The following ATP13A2 variants were observed in gnomAD, a reference collection of about 807,000 sequenced individuals.
The protein encoded by ATP13A2 is polyamine-transporting ATPase 13A2.
Under a neutral mutation model 138.3 loss-of-function variants are expected in ATP13A2, and 83 were observed. That is an observed-to-expected ratio of 0.60 (90% CI 0.50 to 0.72). The LOEUF is 0.72. Ranked by LOEUF, ATP13A2 falls within the 30% of genes least tolerant of loss-of-function variation. ATP13A2 has a pLI of 0.00. For missense variants in ATP13A2, 1,402 were observed against 1,606.4 expected (o/e 0.87, Z 2.17); for synonymous variants, 663 against 699.0 (o/e 0.95, Z 0.81).
At chr1:16,989,615 G>A in intron 23 of ATP13A2, 76 bp downstream of exon 23, 2 of 1,468,690 alleles carry the variant, frequency 1.4e-6, no homozygotes, top group Non-Finnish European at 1.9e-6. Context: ...GGGCCCTGGG[G>A]AAGGACAGAT....
intron 15 of ATP13A2, among the ~76,000 whole-genome samples, chr1:16,994,195 CTCATT>C (rs1363008730): frequency 2.1e-5 from 3 of 140,188 alleles, no homozygotes; most frequent in South Asian, 2.3e-4. Flanking sequence ...CTCTCTCTCT[CTCATT>C]TATTTATTTA....
intron 11 of ATP13A2, among the ~76,000 whole-genome samples, chr1:16,998,253 G>A (rs1213554303): frequency 6.6e-6 from 1 of 152,060 alleles, no homozygotes; most frequent in Non-Finnish European, 1.5e-5. Context: ...CACCCAGGCT[G>A]GAGTGCAGTG....
At chr1:16,994,587 ACTC>A (rs2077050932) in intron 15 of ATP13A2, among the ~76,000 whole-genome samples, 1 of 151,658 alleles carries the variant, frequency 6.6e-6, no homozygotes, top group Non-Finnish European at 1.5e-5. Flanking sequence ...CCCATCCTAG[ACTC>A]TAACTGCCCA....
rs545326276 is a variant in ATP13A2 at position 16,992,566 on chromosome 1, G to A, written c.1765C>T (p.Pro589Ser). 6.2e-7 allele frequency: 1 copy of A among 1,614,220 alleles called. No individual in the cohort carries two copies. Among genetic ancestry groups the A allele is most frequent in the Non-Finnish European group, 8.5e-7 (1 of 1,180,022 alleles). The change falls in exon 17 of 29, where the codon CCG becomes TCG. Residue 589 changes from proline (P) to serine (S), a missense_variant. By Grantham distance (74) the Pro-to-Ser change is moderately conservative. Coordinates refer to ENST00000326735, the MANE Select transcript of ATP13A2 (RefSeq NM_022089.4). ...GTCCCAAATGCTGAGTCTGCAGCCG[G>A]CTCTTCCTCCAGGACCTGGCAGGCA... The part of the protein sequence containing the change: ...ESTGWVLEEE[P>S]AADSAFGTQV...
Position 16,986,193 on chromosome 1 carries a change from C to A in ATP13A2, c.*28G>T, listed in dbSNP as rs746938025. On this transcript the variant is annotated 3_prime_UTR_variant, in exon 29 of 29. Transcript: ENST00000326735. The surrounding 1 kb of genome is among the most constrained non-coding windows in gnomAD (Gnocchi z 6.9). ...TTGGTGGCTCAGAGGCAGGGAGTTCCAGTGTCTGGGGTGCCCGTGGGCCTG... is the reference window on the plus strand; with the variant it reads ...TTGGTGGCTCAGAGGCAGGGAGTTCAAGTGTCTGGGGTGCCCGTGGGCCTG... The A allele has an allele frequency of 6.2e-7, 1 of 1,612,690 alleles. No individual in the cohort carries two copies. The highest frequency in any genetic ancestry group is 1.1e-5 in the South Asian group (1 of 90,722).
chr1:17,007,294 G>C (rs2077594240), intron 1 of ATP13A2, among the ~76,000 whole-genome samples: 1 of 152,120 alleles, frequency 6.6e-6, no homozygotes, highest in Non-Finnish European at 1.5e-5. Flanking sequence ...CCCACCCTTG[G>C]ACAGCCTCTG....
At position 16,987,287 on chromosome 1, in the gene ATP13A2, G is replaced by C; in HGVS notation, c.2860-18C>G. 2 of 1,611,836 alleles carry C rather than the reference G, an allele frequency of 1.2e-6. No individual in the cohort carries two copies. The highest frequency in any genetic ancestry group is 1.7e-6 in the Non-Finnish European group (2 of 1,178,750). ...GTGTTGATCTGCCACAGGGAAGGGA[G>C]GACAGAGGGGAAACTAAGACCTGGC... On this transcript the variant is annotated intron_variant, in intron 25 of 28. Transcript: ENST00000326735.
Position 16,986,334 on chromosome 1 carries a change from C to T in ATP13A2, c.3430G>A (p.Ala1144Thr), listed in dbSNP as rs151181674. The T allele has an allele frequency of 1.2e-3, 1,883 of 1,580,112 alleles. 17 individuals are homozygous for T. In the African/African-American group the frequency reaches 0.023, roughly 19 times the overall value. ...TTGGGCCGGAGGCGGCGCAGGCAGG[C>T]GGGGAGGCACTGGTCTAGCACGCTC... ...LESVLDQCLP[A>T]CLRRLRPKRA... Residue 1144 changes from alanine (A) to threonine (T), a missense_variant, in exon 29 of 29, where the codon GCC becomes ACC. Physicochemically the swap from Ala to Thr is moderately conservative, Grantham distance 58. Coordinates refer to ENST00000326735, the MANE Select transcript of ATP13A2 (RefSeq NM_022089.4). The surrounding 1 kb of genome is among the most constrained non-coding windows in gnomAD (Gnocchi z 6.9).
Position 16,988,181 on chromosome 1 carries a change from A to G in ATP13A2, c.2816T>C (p.Leu939Pro). The G allele has an allele frequency of 6.2e-7, 1 of 1,614,228 alleles. No homozygotes were observed. The highest frequency in any genetic ancestry group is 1.1e-5 in the South Asian group (1 of 91,088). The change falls in exon 25 of 29, where the codon CTG (leucine) becomes CCG (proline). Residue 939 changes from leucine to proline, a missense_variant. Coordinates refer to ENST00000326735, the MANE Select transcript of ATP13A2 (RefSeq NM_022089.4). ...TSFSVFKYMA[L>P]YSLTQFISVL... The stretch of plus-strand genomic sequence containing the variant: ...GGAGATGAACTGGGTCAGGCTGTAC[A>G]GAGCCATGTACTTGAAGACGCTGAA...
At chr1:17,003,766 C>T (rs921975609) in intron 6 of ATP13A2, among the ~76,000 whole-genome samples, 13 of 151,254 alleles carry the variant, frequency 8.6e-5, no homozygotes, top group African/African-American at 2.4e-4. Flanking sequence ...CAGGTTCAAG[C>T]GATTTTCCTG....
In ATP13A2 at chr1:17,004,484, C is replaced by T. The variant is rs2077476475; in HGVS notation, c.478-73G>A. ...AGAAGCAGTGTGCTTATGCTGGGAGCCGAGGGATGGGGGTAGGGGGCAGGG... is the reference window on the plus strand; with the variant it reads ...AGAAGCAGTGTGCTTATGCTGGGAGTCGAGGGATGGGGGTAGGGGGCAGGG... On this transcript the variant is annotated intron_variant, in intron 5 of 28. Coordinates refer to ENST00000326735, the MANE Select transcript of ATP13A2 (RefSeq NM_022089.4). This position sits in a 1 kb window ranked among gnomAD's most constrained non-coding sequence, Gnocchi z 4.1. 6 of 1,578,336 alleles carry T rather than the reference C, an allele frequency of 3.8e-6. No homozygotes were observed. The highest frequency in any genetic ancestry group is 1.1e-5 in the South Asian group (1 of 88,840).
chr1:17,010,083 TC>T (rs377345453), intron 1 of ATP13A2, among the ~76,000 whole-genome samples: 44 of 136,774 alleles, frequency 3.2e-4, no homozygotes, highest in African/African-American at 9.9e-4. Context: ...GATGGAGTCT[TC>T]CCCCCCCGTT....
At position 16,987,146 on chromosome 1, in the gene ATP13A2, C is replaced by A; in HGVS notation, c.2983G>T (p.Ala995Ser). The A allele has an allele frequency of 6.2e-7, 1 of 1,613,018 alleles. No individual in the cohort carries two copies. The highest frequency in any genetic ancestry group is 1.3e-5 in the African/African-American group (1 of 75,030). Residue 995 changes from alanine (A) to serine (S), a missense_variant, in exon 26 of 29, where the codon GCG becomes TCG. By Grantham distance (99) the Ala-to-Ser change is moderately conservative. Coordinates refer to ENST00000326735, the MANE Select transcript of ATP13A2 (RefSeq NM_022089.4). ...LVLGRVRPPG[A>S]LLSVPVLSSL... ...CTGAGCACGGGCACGCTGAGCAGCG[C>A]CCCCGGTGGCCGCACCCGTCCCAGG...
chr1:17,001,009 T>C lies in ATP13A2; in HGVS notation c.706-475A>G, dbSNP rs112014302. On this transcript the variant is annotated intron_variant, in intron 8 of 28. Coordinates refer to ENST00000326735, the MANE Select transcript of ATP13A2 (RefSeq NM_022089.4). Reference sequence around the variant, plus strand: ...TGAACCCCCACTACACGCCAAGTGCTTTATCTAAGTGTCATACAATGGCAA... The same window carrying C: ...TGAACCCCCACTACACGCCAAGTGCCTTATCTAAGTGTCATACAATGGCAA... Among the ~76,000 whole-genome samples, 129 of 152,130 alleles carry C rather than the reference T, an allele frequency of 8.5e-4. 1 individual carries two copies. The highest frequency in any genetic ancestry group is 3.4e-3 in the Middle Eastern group (1 of 294).
At chr1:17,006,540 C>T (rs973052951) in intron 1 of ATP13A2, among the ~76,000 whole-genome samples, 2 of 152,066 alleles carry the variant, frequency 1.3e-5, no homozygotes, top group East Asian at 1.9e-4. Flanking sequence ...CATGAGCCAC[C>T]GTGCTTGGCC....
chr1:17,005,238 C>A (rs2077508617), intron 3 of ATP13A2, 136 bp downstream of exon 3: 1 of 1,467,276 alleles, frequency 6.8e-7, no homozygotes, highest in South Asian at 1.2e-5. Flanking sequence ...GATGGGAAAG[C>A]TGAGGTCCAG....
At chr1:17,008,025 G>A (rs779856808) in intron 1 of ATP13A2, among the ~76,000 whole-genome samples, 1 of 151,580 alleles carries the variant, frequency 6.6e-6, no homozygotes, top group Admixed American at 6.6e-5. Context: ...AGGTAACCTC[G>A]GTTGTGATGT....
intron 12 of ATP13A2, 147 bp downstream of exon 12, chr1:16,996,871 TGG>T: frequency 1.0e-6 from 1 of 994,354 alleles, no homozygotes; most frequent in Non-Finnish European, 1.5e-6. Flanking sequence ...AGACCCCAGA[TGG>T]GGGGCAACTG....
chr1:17,004,546 G>A lies in ATP13A2; in HGVS notation c.478-135C>T. 6.4e-7 allele frequency: 1 copy of A among 1,556,510 alleles called. No individual in the cohort carries two copies. The highest frequency in any genetic ancestry group is 8.8e-7 in the Non-Finnish European group (1 of 1,139,012). ...CAGACAGAGAGGTGGGGAGAGGCCT[G>A]AAAGTGTAAACGTGCTCAGACAGCA... On this transcript the variant is annotated intron_variant, in intron 5 of 28. Transcript: ENST00000326735. The surrounding 1 kb of genome is among the most constrained non-coding windows in gnomAD (Gnocchi z 4.1).
Sources: allele counts gnomAD v4.1 joint callset (sites outside exome capture counted in the v4.1 genomes callset), GRCh38; gene constraint gnomAD v4.1.1; non-coding constraint Gnocchi (gnomAD v3.1); transcripts MANE v1.5; gene names NCBI Gene and HGNC (gene_info 2026-07-23, HGNC 2026-07-21).